TSHZ1: variants seen among roughly 807,000 people sequenced by gnomAD.
TSHZ1 encodes teashirt zinc finger homeobox 1.
In TSHZ1, 12 loss-of-function variants were observed where a neutral mutation model predicts 67.1. The observed-to-expected ratio is 0.18, with a 90% confidence interval of 0.11 to 0.29. The LOEUF (loss-of-function observed/expected upper bound fraction) is 0.29. TSHZ1 is among the 10% of genes least tolerant of loss of function. The pLI is 1.00. For missense variants in TSHZ1, 1,305 were observed against 1,413.9 expected, an observed-to-expected ratio of 0.92 and a Z score of 1.23; for synonymous variants, 632 against 622.4, an observed-to-expected ratio of 1.02 and a Z score of -0.23.
In TSHZ1 at chr18:75,289,474, A is replaced by G. The variant is rs2023832950; in HGVS notation, c.*833A>G. On this transcript the variant is annotated 3_prime_UTR_variant, in exon 2 of 2. Coordinates refer to ENST00000580243, the MANE Select transcript of TSHZ1 (RefSeq NM_001308210.2). The stretch of plus-strand genomic sequence containing the variant: ...AGCTTTGGTACAAGCTGACCTTTCT[A>G]TAGCGTGCTGCATTGGTAAATGAAA... 6.0e-6 allele frequency: 1 copy of G among 167,076 alleles called. No homozygotes were observed. Among genetic ancestry groups the G allele is most frequent in the South Asian group, 2.1e-4 (1 of 4,830 alleles). The allele number at this position is 167,076 out of a possible 1,614,324, so 10.3% of individuals were successfully genotyped here.
intron 1 of TSHZ1, among the ~76,000 whole-genome samples, chr18:75,253,801 A>G (rs2023332531): frequency 6.6e-6 from 1 of 152,246 alleles, no homozygotes; most frequent in East Asian, 1.9e-4. Context: ...AAATCTTCCT[A>G]ATTTTCTCAC....
chr18:75,259,733 A>G (rs1419715774), intron 1 of TSHZ1, among the ~76,000 whole-genome samples: 3 of 152,162 alleles, frequency 2.0e-5, no homozygotes, highest in African/African-American at 7.2e-5. Flanking sequence ...ATAGAAGAAA[A>G]AACAGTATGT....
At chr18:75,233,827 A>G (rs1417786461) in intron 1 of TSHZ1, among the ~76,000 whole-genome samples, 1 of 152,172 alleles carries the variant, frequency 6.6e-6, no homozygotes. Context: ...TCTAGCGAGC[A>G]TCCGCACGCC....
chr18:75,231,691 C>A (rs1004137981), intron 1 of TSHZ1, among the ~76,000 whole-genome samples: 1 of 151,972 alleles, frequency 6.6e-6, no homozygotes, highest in Admixed American at 6.6e-5. Context: ...CCCACCACCA[C>A]ACCCGGCTAA....
intron 1 of TSHZ1, among the ~76,000 whole-genome samples, chr18:75,226,254 G>A (rs2022924300): frequency 6.6e-6 from 1 of 152,216 alleles, no homozygotes; most frequent in Admixed American, 6.5e-5. Flanking sequence ...TAGATAGTCT[G>A]TGTCTGCAAA....
chr18:75,287,865 C>T lies in TSHZ1; in HGVS notation c.2458C>T (p.Leu820=), dbSNP rs749955280. Residue 820 remains leucine (L), a synonymous_variant, in exon 2 of 2, where the codon CTG becomes TTG. Transcript: ENST00000580243. The surrounding 1 kb of genome is among the most constrained non-coding windows in gnomAD (Gnocchi z 5.0). ...IDLTKSKNKP[L]VSSVADSVAS... ...CTTAACCAAGTCCAAGAACAAGCCG[C>T]TGGTGTCCAGCGTGGCTGATTCGGT... 5.6e-6 allele frequency: 9 copies of T among 1,614,110 alleles called. No homozygotes were observed. Among genetic ancestry groups the T allele is most frequent in the African/African-American group, 1.3e-5 (1 of 74,954 alleles).
intron 1 of TSHZ1, among the ~76,000 whole-genome samples, chr18:75,278,537 G>T (rs2023643228): frequency 6.6e-6 from 1 of 152,166 alleles, no homozygotes; most frequent in Admixed American, 6.5e-5. Flanking sequence ...GGTGCTCTCT[G>T]CCTGCTCCCC....
intron 1 of TSHZ1, among the ~76,000 whole-genome samples, chr18:75,276,179 T>A (rs2122602875): frequency 6.6e-6 from 1 of 152,308 alleles, no homozygotes; most frequent in South Asian, 2.1e-4. Flanking sequence ...AAAGAAGAAA[T>A]TATGTTTGTT....
At chr18:75,271,844 G>A (rs1408041814) in intron 1 of TSHZ1, among the ~76,000 whole-genome samples, 1 of 151,092 alleles carries the variant, frequency 6.6e-6, no homozygotes, top group African/African-American at 2.4e-5. Context: ...GAATTTCCAC[G>A]AAGAAAGAAA....
rs551915700 is a variant in TSHZ1 at position 75,286,129 on chromosome 18, C to A, written c.722C>A (p.Thr241Lys). ...QNNKLYGSVF[T>K]GASKFRCKDC... ...AACAAGCTCTACGGCTCCGTCTTCACGGGCGCCAGCAAGTTCCGGTGCAAA... is the reference window on the plus strand; with the variant it reads ...AACAAGCTCTACGGCTCCGTCTTCAAGGGCGCCAGCAAGTTCCGGTGCAAA... The change falls in exon 2 of 2, where the codon ACG becomes AAG. Residue 241 changes from threonine to lysine, a missense_variant. Transcript: ENST00000580243. This position sits in a 1 kb window ranked among gnomAD's most constrained non-coding sequence, Gnocchi z 5.1. 1 of 1,613,086 alleles carries A rather than the reference C, an allele frequency of 6.2e-7. No individual in the cohort carries two copies. The highest frequency in any genetic ancestry group is 2.2e-5 in the East Asian group (1 of 44,832).
chr18:75,250,094 G>A (rs1599039946), intron 1 of TSHZ1, among the ~76,000 whole-genome samples: 1 of 149,424 alleles, frequency 6.7e-6, no homozygotes, highest in East Asian at 2.0e-4. Context: ...CCTCATCCCT[G>A]CAGTTGGTGG....
Position 75,287,920 on chromosome 18 carries a change from T to C in TSHZ1, c.2513T>C (p.Met838Thr). Residue 838 changes from methionine to threonine, a missense_variant, in exon 2 of 2, where the codon ATG becomes ACG. Around this residue, in one of 3 missense-constraint regions of TSHZ1, gnomAD observed 909 missense variants for 961.8 expected, o/e 0.95. Coordinates refer to ENST00000580243, the MANE Select transcript of TSHZ1 (RefSeq NM_001308210.2). This position sits in a 1 kb window ranked among gnomAD's most constrained non-coding sequence, Gnocchi z 5.0. ...TCACCTCTGCGGGAGAGCGCACTCA[T>C]GGACATCTCCGACATGGTGAAAAAC... ...VASPLRESAL[M>T]DISDMVKNLT... The C allele has an allele frequency of 6.2e-7, 1 of 1,614,214 alleles. No individual in the cohort carries two copies. The highest frequency in any genetic ancestry group is 8.5e-7 in the Non-Finnish European group (1 of 1,180,040).
chr18:75,265,097 G>A (rs546232858), intron 1 of TSHZ1, among the ~76,000 whole-genome samples: 26 of 152,298 alleles, frequency 1.7e-4, no homozygotes, highest in Non-Finnish European at 3.2e-4. Context: ...ATCTTGGACC[G>A]TGGTAGAGAA....
rs199779165 is a variant in TSHZ1, at chr18:75,288,293, C to A, written c.2886C>A (p.Asn962Lys). 1.9e-6 allele frequency: 3 copies of A among 1,614,196 alleles called. No individual in the cohort carries two copies. The Admixed American group carries it at 5.0e-5, about 27-fold the overall frequency. ...RRTGGTKFLK[N>K]LDTGHPVFFC... is the part of the protein sequence containing the mutation. ...CAGGGGGAACGAAATTCCTAAAGAACCTGGACACAGGGCATCCTGTTTTCT... is the reference window on the plus strand; with the variant it reads ...CAGGGGGAACGAAATTCCTAAAGAAACTGGACACAGGGCATCCTGTTTTCT... The change falls in exon 2 of 2, where the codon AAC becomes AAA. Residue 962 changes from asparagine (N) to lysine (K), a missense_variant. Around this residue, in one of 3 missense-constraint regions of TSHZ1, gnomAD observed 909 missense variants for 961.8 expected, o/e 0.95. Coordinates refer to ENST00000580243, the MANE Select transcript of TSHZ1 (RefSeq NM_001308210.2). This position sits in a 1 kb window ranked among gnomAD's most constrained non-coding sequence, Gnocchi z 4.9.
At chr18:75,282,622 G>A (rs1021660744) in intron 1 of TSHZ1, among the ~76,000 whole-genome samples, 1 of 152,162 alleles carries the variant, frequency 6.6e-6, no homozygotes, top group Non-Finnish European at 1.5e-5. Flanking sequence ...TCCACCTGCT[G>A]GAAGGAAGAG....
intron 1 of TSHZ1, among the ~76,000 whole-genome samples, chr18:75,282,041 C>T (rs1016669892): frequency 3.9e-5 from 6 of 152,280 alleles, no homozygotes; most frequent in East Asian, 1.9e-4. Flanking sequence ...CACACAGGGC[C>T]GTGGACATCT....
At chr18:75,246,272 G>A (rs1437562827) in intron 1 of TSHZ1, among the ~76,000 whole-genome samples, 4 of 152,194 alleles carry the variant, frequency 2.6e-5, no homozygotes, top group East Asian at 1.9e-4. Context: ...TGTAGCTAAC[G>A]TGTGTGGCAA....
At chr18:75,270,644 T>TA (rs2023545685) in intron 1 of TSHZ1, among the ~76,000 whole-genome samples, 1 of 152,216 alleles carries the variant, frequency 6.6e-6, no homozygotes, top group African/African-American at 2.4e-5. Flanking sequence ...GTGGGCTTCT[T>TA]ACCCTTTCTA....
rs138822817 is a variant in TSHZ1 at position 75,287,419 on chromosome 18, C to G, written c.2012C>G (p.Ser671Cys). The G allele has an allele frequency of 2.7e-5, 44 of 1,613,984 alleles. No individual in the cohort carries two copies. In the African/African-American group the frequency reaches 4.9e-4, roughly 18 times the overall value. Residue 671 changes from serine (S) to cysteine (C), a missense_variant, in exon 2 of 2, where the codon TCC becomes TGC. Ser to Cys is a moderately radical substitution (Grantham distance 112, BLOSUM62 -1). Around this residue, in one of 3 missense-constraint regions of TSHZ1, gnomAD observed 909 missense variants for 961.8 expected, o/e 0.95. Transcript: ENST00000580243. The surrounding 1 kb of genome is among the most constrained non-coding windows in gnomAD (Gnocchi z 5.0). ...KEKSSLAKAA[S>C]PIAKENKDFP... ...AAGAGCTCCCTGGCCAAGGCTGCGTCCCCCATAGCAAAAGAGAATAAAGAT... is the reference window on the plus strand; with the variant it reads ...AAGAGCTCCCTGGCCAAGGCTGCGTGCCCCATAGCAAAAGAGAATAAAGAT...
Sources: gnomAD v4.1 joint callset for allele counts (sites outside exome capture counted in the v4.1 genomes callset) on GRCh38, gnomAD v4.1.1 for gene constraint, gnomAD v4.1.1 regional missense constraint, Gnocchi (gnomAD v3.1) non-coding constraint, MANE v1.5 for transcripts, NCBI Gene and HGNC (gene_info 2026-07-23, HGNC 2026-07-21) for gene names.